Variants in KCNAB1 observed in about 807,000 individuals in gnomAD.
KCNAB1 encodes voltage-gated potassium channel subunit beta-1.
In KCNAB1, 35 loss-of-function variants were observed where a neutral mutation model predicts 64.6. The observed-to-expected ratio is 0.54, with a 90% CI of 0.41 to 0.72. The LOEUF (loss-of-function observed/expected upper bound fraction) is 0.72. Among genes scored for constraint, KCNAB1 ranks in the 30% least tolerant of loss-of-function variants. The pLI is 0.00. For synonymous variants in KCNAB1, 177 were observed against 183.8 expected (o/e 0.96, Z 0.30); for missense variants, 401 against 512.9 (o/e 0.78, Z 2.11).
intron 1 of KCNAB1, among the ~76,000 whole-genome samples, chr3:156,329,614 A>G (rs992822978): frequency 6.6e-6 from 1 of 152,128 alleles, no homozygotes; most frequent in Non-Finnish European, 1.5e-5. Flanking sequence ...GAGAGGAGTG[A>G]GGGAGGACAG....
rs545675933 is a variant in KCNAB1, at chr3:156,515,278, G to A, written c.865+58G>A. The stretch of plus-strand genomic sequence containing the variant: ...TTAACAAGAGAAAGATCACTGATTC[G>A]GGGAAAAAATAAAAACAGTGTTATT... On this transcript the variant is annotated intron_variant, in intron 10 of 13. Transcript: ENST00000490337. 44 of 1,500,162 alleles carry A rather than the reference G, an allele frequency of 2.9e-5. No homozygotes were observed. In the South Asian group the frequency reaches 3.6e-4, roughly 12 times the overall value. 92.9% of individuals were successfully genotyped at this position (1,500,162 alleles called of 1,614,324 possible).
At chr3:156,486,585 A>C (rs1028708586) in intron 8 of KCNAB1, among the ~76,000 whole-genome samples, 2 of 152,028 alleles carry the variant, frequency 1.3e-5, no homozygotes, top group East Asian at 3.9e-4. Context: ...TGGGCTGACT[A>C]TCTGTCTTGG....
At chr3:156,290,251 C>A (rs1046935655) in intron 1 of KCNAB1, among the ~76,000 whole-genome samples, 1 of 152,244 alleles carries the variant, frequency 6.6e-6, no homozygotes, top group South Asian at 2.1e-4. Context: ...AGATGGCCTG[C>A]TCCTTGAGGA....
chr3:156,241,457 A>G (rs1277605313), intron 1 of KCNAB1, among the ~76,000 whole-genome samples: 1 of 152,218 alleles, frequency 6.6e-6, no homozygotes. Flanking sequence ...ACCCTAGGAC[A>G]GCTGTGCTGT....
chr3:156,471,165 C>A (rs1713858626), intron 7 of KCNAB1, among the ~76,000 whole-genome samples: 1 of 152,224 alleles, frequency 6.6e-6, no homozygotes, highest in African/African-American at 2.4e-5. Context: ...CTACTGATTT[C>A]CTTGCTTCCA....
intron 1 of KCNAB1, among the ~76,000 whole-genome samples, chr3:156,185,004 T>C (rs537543585): frequency 6.5e-4 from 99 of 152,274 alleles, no homozygotes; most frequent in Non-Finnish European, 1.1e-3. Context: ...TCTGTTCTCA[T>C]AGAGGAAACA....
At chr3:156,449,866 CA>C (rs1268025936) in intron 2 of KCNAB1, among the ~76,000 whole-genome samples, 2 of 151,998 alleles carry the variant, frequency 1.3e-5, no homozygotes, top group African/African-American at 4.8e-5. Flanking sequence ...GAAAAATAGT[CA>C]AAAAATATAG....
At chr3:156,493,552 T>C (rs916986914) in intron 8 of KCNAB1, among the ~76,000 whole-genome samples, 15 of 152,126 alleles carry the variant, frequency 9.9e-5, no homozygotes, top group African/African-American at 2.4e-5. Flanking sequence ...TGTAACCATT[T>C]AGAATTATCA....
chr3:156,436,165 T>C (rs139986370), intron 2 of KCNAB1, among the ~76,000 whole-genome samples: 1,815 of 152,186 alleles, frequency 0.012, 16 homozygotes, highest in South Asian at 0.031. Context: ...TGAGAACATG[T>C]GGTGTTTGGT....
intron 1 of KCNAB1, among the ~76,000 whole-genome samples, chr3:156,327,854 T>G (rs1723076344): frequency 6.6e-6 from 1 of 152,154 alleles, no homozygotes; most frequent in Non-Finnish European, 1.5e-5. Flanking sequence ...TTATCTCCCT[T>G]GTTTCAAGTT....
At chr3:156,301,918 CTG>C (rs1185776902) in intron 1 of KCNAB1, among the ~76,000 whole-genome samples, 1 of 152,136 alleles carries the variant, frequency 6.6e-6, no homozygotes, top group African/African-American at 2.4e-5. Flanking sequence ...AAATTTCACA[CTG>C]TATTGGTTTC....
chr3:156,146,552 C>A (rs1161683089), intron 1 of KCNAB1, among the ~76,000 whole-genome samples: 1 of 152,146 alleles, frequency 6.6e-6, no homozygotes, highest in African/African-American at 2.4e-5. Context: ...GAAACTTAAA[C>A]AGATATAAAA....
chr3:156,459,530 G>C (rs575835266), intron 4 of KCNAB1, among the ~76,000 whole-genome samples: 2 of 152,112 alleles, frequency 1.3e-5, no homozygotes, highest in Non-Finnish European at 2.9e-5. Context: ...TTTATATATG[G>C]GATCATTGGT....
At chr3:156,535,353 T>C (rs981437496) in intron 13 of KCNAB1, among the ~76,000 whole-genome samples, 2 of 152,212 alleles carry the variant, frequency 1.3e-5, no homozygotes, top group Admixed American at 1.3e-4. Context: ...GGTCAGACTT[T>C]TCCAGTGAGA....
intron 8 of KCNAB1, among the ~76,000 whole-genome samples, chr3:156,476,091 G>C (rs1327204564): frequency 6.6e-6 from 1 of 152,098 alleles, no homozygotes; most frequent in Admixed American, 6.5e-5. Context: ...CATTTTATTA[G>C]TATAAGAAGT....
At position 156,516,490 on chromosome 3, in the gene KCNAB1, C is replaced by T. The variant is rs1717576482; in HGVS notation, c.960+126C>T. On this transcript the variant is annotated intron_variant, in intron 11 of 13. Transcript: ENST00000490337. ...TGACTGTGTTGTCCAGGCCAGTGGC[C>T]TCTGGCAGGTTCCCCTAAGCCTTCT... 4 of 694,358 alleles carry T rather than the reference C, an allele frequency of 5.8e-6. No individual in the cohort carries two copies. In the African/African-American group the frequency reaches 7.1e-5, roughly 12 times the overall value. The allele number at this position is 694,358 out of a possible 1,614,324, so 43.0% of individuals were successfully genotyped here. A position where few individuals can be genotyped will look rare whatever the true frequency, so the allele number is the denominator to read the frequency against.
intron 1 of KCNAB1, among the ~76,000 whole-genome samples, chr3:156,152,774 C>A (rs1420775394): frequency 2.6e-5 from 4 of 152,202 alleles, no homozygotes; most frequent in Non-Finnish European, 4.4e-5. Flanking sequence ...TGCATAGTGA[C>A]AATACATGCC....
intron 13 of KCNAB1, among the ~76,000 whole-genome samples, chr3:156,532,277 C>T (rs1367158796): frequency 6.6e-6 from 1 of 152,098 alleles, no homozygotes; most frequent in East Asian, 1.9e-4. Context: ...AAAGGATGTT[C>T]CTGGGAGCTC....
At chr3:156,397,884 A>G (rs889540169) in intron 1 of KCNAB1, among the ~76,000 whole-genome samples, 14 of 152,196 alleles carry the variant, frequency 9.2e-5, no homozygotes, top group African/African-American at 3.4e-4. Context: ...TCAGCTCCCT[A>G]ATTAGAATGT....
Sources: gnomAD v4.1 joint callset for allele counts (sites outside exome capture counted in the v4.1 genomes callset) on GRCh38, gnomAD v4.1.1 for gene constraint, MANE v1.5 for transcripts, NCBI Gene and HGNC (gene_info 2026-07-23, HGNC 2026-07-21) for gene names.